The following THSD7B variants were observed in gnomAD, a reference collection of about 807,000 sequenced individuals.
THSD7B encodes thrombospondin type-1 domain-containing protein 7B.
In THSD7B, 138 loss-of-function variants were observed where a neutral mutation model predicts 213.6. The ratio of observed to expected loss-of-function variants is 0.65; its 90% CI spans 0.56 to 0.74. The LOEUF (loss-of-function observed/expected upper bound fraction) is 0.74. THSD7B is among the 30% of genes least tolerant of loss of function. The pLI is 0.00. For missense variants in THSD7B, 1,931 were observed against 1,991.5 expected, an observed-to-expected ratio of 0.97 and a Z score of 0.58; for synonymous variants, 742 against 687.0, an observed-to-expected ratio of 1.08 and a Z score of -1.25.
intron 2 of THSD7B, among the ~76,000 whole-genome samples, chr2:136,897,010 A>G (rs1172078071): frequency 6.6e-6 from 1 of 151,642 alleles, no homozygotes; most frequent in Non-Finnish European, 1.5e-5. Flanking sequence ...CCATGGTGCA[A>G]TTACTGTTCA....
intron 12 of THSD7B, among the ~76,000 whole-genome samples, chr2:137,364,503 C>T (rs1270692092): frequency 1.3e-5 from 2 of 152,172 alleles, no homozygotes; most frequent in Admixed American, 1.3e-4. Flanking sequence ...ACCCCATCAT[C>T]TCAGCCAAAA....
In THSD7B at chr2:136,890,303, C is replaced by CCTCCTCTTCTTCTTCTTCTTCTT. The variant is rs1553455794; in HGVS notation, c.139+7988_139+7989insCCTCTTCTTCTTCTTCTTCTTCT. 1.7e-3 allele frequency among the ~76,000 whole-genome samples: 9 copies of CCTCCTCTTCTTCTTCTTCTTCTT among 5,162 alleles called. 1 individual carries two copies. Among genetic ancestry groups the CCTCCTCTTCTTCTTCTTCTTCTT allele is most frequent in the Non-Finnish European group, 2.4e-3 (5 of 2,048 alleles). 3.4% of individuals were successfully genotyped at this position (5,162 alleles called of 152,430 possible). A position where few individuals can be genotyped will look rare whatever the true frequency, so the allele number is the denominator to read the frequency against. On this transcript the variant is annotated intron_variant, in intron 2 of 27. Transcript: ENST00000409968. ...TGCTCATTCATGTCCATGTCCTACT[C>CCTCCTCTTCTTCTTCTTCTTCTT]CTTCTTCTTCTTCTTCTTCTTCTTC...
intron 4 of THSD7B, among the ~76,000 whole-genome samples, chr2:137,103,661 G>A (rs763431489): frequency 1.3e-5 from 2 of 151,630 alleles, no homozygotes; most frequent in Non-Finnish European, 2.9e-5. Context: ...GACACACATA[G>A]GCTGAAAATA....
In THSD7B at chr2:137,572,881, T is replaced by C. The variant is rs897592020; in HGVS notation, c.3423+325T>C. ...TTTAGTAACAAAATGATTCTCCTTA[T>C]AATATATCTTGGTCCTGTTCCATTT... On this transcript the variant is annotated intron_variant, in intron 17 of 27. Coordinates refer to ENST00000409968, the MANE Select transcript of THSD7B (RefSeq NM_001316349.2). Among the ~76,000 whole-genome samples the C allele has an allele frequency of 3.3e-5, 5 of 152,196 alleles. No individual in the cohort carries two copies. In the East Asian group the frequency reaches 7.7e-4, roughly 24 times the overall value.
At chr2:137,540,319 T>C (rs943906035) in intron 15 of THSD7B, among the ~76,000 whole-genome samples, 8 of 151,842 alleles carry the variant, frequency 5.3e-5, no homozygotes, top group Middle Eastern at 3.4e-3. Context: ...TCAAGTTTCA[T>C]AGAATTCTGG....
intron 12 of THSD7B, among the ~76,000 whole-genome samples, chr2:137,291,137 A>G (rs1160992130): frequency 6.6e-6 from 1 of 152,136 alleles, no homozygotes; most frequent in Non-Finnish European, 1.5e-5. Flanking sequence ...CCCATAATCT[A>G]CAAACGCTCA....
chr2:137,535,476 A>T (rs548005812), intron 15 of THSD7B, among the ~76,000 whole-genome samples: 2 of 151,938 alleles, frequency 1.3e-5, no homozygotes, highest in African/African-American at 4.8e-5. Context: ...ATATAATATA[A>T]GATGGCTTCA....
chr2:137,316,698 C>T (rs544588318), intron 12 of THSD7B, among the ~76,000 whole-genome samples: 2 of 146,800 alleles, frequency 1.4e-5, no homozygotes, highest in African/African-American at 2.6e-5. Flanking sequence ...GCGGAGCTTG[C>T]AGTGAGCCGA....
At chr2:137,162,992 TTG>T (rs375293414) in intron 6 of THSD7B, among the ~76,000 whole-genome samples, 11 of 152,188 alleles carry the variant, frequency 7.2e-5, no homozygotes, top group African/African-American at 2.7e-4. Context: ...TAATTCTGTG[TTG>T]TGTTTTTTTG....
chr2:136,919,432 CA>C (rs1684398759), intron 2 of THSD7B, among the ~76,000 whole-genome samples: 1 of 152,216 alleles, frequency 6.6e-6, no homozygotes, highest in African/African-American at 2.4e-5. Context: ...TCTGATGACC[CA>C]GATCAGACCA....
chr2:137,659,384 A>G (rs1017843160), intron 24 of THSD7B, among the ~76,000 whole-genome samples: 4 of 152,160 alleles, frequency 2.6e-5, no homozygotes, highest in African/African-American at 4.8e-5. Context: ...TCTGGCTCAC[A>G]TAGACTTTGT....
chr2:137,545,886 T>A (rs1027961674), intron 15 of THSD7B, among the ~76,000 whole-genome samples: 15 of 151,844 alleles, frequency 9.9e-5, no homozygotes, highest in African/African-American at 3.6e-4. Flanking sequence ...TGCCTGTAGT[T>A]ATGCATGGTG....
chr2:137,093,326 GT>G (rs1331615602), intron 3 of THSD7B, among the ~76,000 whole-genome samples: 1 of 152,192 alleles, frequency 6.6e-6, no homozygotes, highest in African/African-American at 2.4e-5. Context: ...CCCCAGTGGT[GT>G]GCTTACAAAT....
At chr2:137,289,630 G>A (rs943501920) in intron 12 of THSD7B, among the ~76,000 whole-genome samples, 1 of 152,094 alleles carries the variant, frequency 6.6e-6, no homozygotes, top group African/African-American at 2.4e-5. Flanking sequence ...GCAAGTAATT[G>A]TAGATTTTTT....
chr2:136,771,937 G>T (rs1264503344), intron 1 of THSD7B, among the ~76,000 whole-genome samples: 4 of 152,088 alleles, frequency 2.6e-5, no homozygotes, highest in Non-Finnish European at 5.9e-5. Flanking sequence ...ATTACTATTA[G>T]TTAATTACCT....
At chr2:136,961,998 C>T (rs1432128892) in intron 2 of THSD7B, among the ~76,000 whole-genome samples, 1 of 152,210 alleles carries the variant, frequency 6.6e-6, no homozygotes, top group Non-Finnish European at 1.5e-5. Context: ...TGCTAATCAG[C>T]TGACCCTGAG....
intron 1 of THSD7B, among the ~76,000 whole-genome samples, chr2:136,851,066 T>A (rs1297452858): frequency 6.6e-6 from 1 of 152,108 alleles, no homozygotes; most frequent in Non-Finnish European, 1.5e-5. Context: ...CACTTTTCTT[T>A]CTGAAAATTT....
chr2:137,041,507 T>C (rs1395900550), intron 2 of THSD7B, among the ~76,000 whole-genome samples: 3 of 151,316 alleles, frequency 2.0e-5, no homozygotes, highest in African/African-American at 7.3e-5. Context: ...ATATCTAATA[T>C]AGTTTATAAT....
intron 2 of THSD7B, among the ~76,000 whole-genome samples, chr2:137,043,807 A>G (rs1477544701): frequency 6.6e-6 from 1 of 152,212 alleles, no homozygotes; most frequent in East Asian, 1.9e-4. Context: ...ATTAGGTGGA[A>G]GGAAACAATT....
Sources: allele counts gnomAD v4.1 joint callset (sites outside exome capture counted in the v4.1 genomes callset), GRCh38; gene constraint gnomAD v4.1.1; transcripts MANE v1.5; gene names NCBI Gene and HGNC (gene_info 2026-07-23, HGNC 2026-07-21).